NEGR1: variants seen among roughly 807,000 people sequenced by gnomAD.
The protein encoded by NEGR1 is IgLON family member 4.
Under a neutral mutation model 40.9 loss-of-function variants are expected in NEGR1, and 10 were observed. The ratio of observed to expected loss-of-function variants is 0.24; its 90% CI spans 0.15 to 0.42. The LOEUF (loss-of-function observed/expected upper bound fraction) is 0.42. Among genes scored for constraint, NEGR1 ranks in the 10% least tolerant of loss-of-function variants. The pLI, the probability that NEGR1 is intolerant of heterozygous loss-of-function variation, is 1.00. For missense variants in NEGR1, 352 were observed against 438.9 expected (o/e 0.80, Z 1.77); for synonymous variants, 185 against 166.8 (o/e 1.11, Z -0.84).
At chr1:71,787,108 T>A (rs1308032782) in intron 2 of NEGR1, among the ~76,000 whole-genome samples, 1 of 152,292 alleles carries the variant, frequency 6.6e-6, no homozygotes, top group Non-Finnish European at 1.5e-5. Context: ...GCCTCAAATA[T>A]CCTATCTAAA....
chr1:71,547,277 G>A (rs1314930534), intron 6 of NEGR1, among the ~76,000 whole-genome samples: 1 of 151,734 alleles, frequency 6.6e-6, no homozygotes, highest in Non-Finnish European at 1.5e-5. Context: ...TTGTTGTCTG[G>A]TACTGCCCAT....
chr1:71,964,843 C>T (rs1042651592), intron 1 of NEGR1, among the ~76,000 whole-genome samples: 3 of 151,590 alleles, frequency 2.0e-5, no homozygotes, highest in Non-Finnish European at 2.9e-5. Flanking sequence ...AAATCACTCC[C>T]TAAAGTGTGT....
chr1:72,093,460 G>A (rs1431834037), intron 1 of NEGR1, among the ~76,000 whole-genome samples: 1 of 152,032 alleles, frequency 6.6e-6, no homozygotes, highest in Admixed American at 6.6e-5. Context: ...TCATAGTTTT[G>A]GGGAAGAAAT....
chr1:71,432,925 T>C (rs1646479319), intron 6 of NEGR1, among the ~76,000 whole-genome samples: 1 of 152,232 alleles, frequency 6.6e-6, no homozygotes, highest in African/African-American at 2.4e-5. Context: ...TATTAATCTG[T>C]CTTATTGTGA....
At position 72,013,436 on chromosome 1, in the gene NEGR1, C is replaced by A. The variant is rs951124332; in HGVS notation, c.177-78125G>T. ...GGGAGAGATCAGAGAGAACTTGAGG[C>A]TGCTTCTAACTTCAAACATATTAGG... On this transcript the variant is annotated intron_variant, in intron 1 of 6. Coordinates refer to ENST00000357731, the MANE Select transcript of NEGR1 (RefSeq NM_173808.3). Among the ~76,000 whole-genome samples, 7 of 152,224 alleles carry A rather than the reference C, an allele frequency of 4.6e-5. No homozygotes were observed. In the South Asian group the frequency reaches 1.5e-3, roughly 32 times the overall value.
rs1646420270 is a variant in NEGR1, at chr1:71,425,057, A to C, written c.941-17487T>G. On this transcript the variant is annotated intron_variant, in intron 6 of 6. Transcript: ENST00000357731. ...TTAACAATCTGTTTCATATTGGGGC[A>C]TGCCACATAAACTGTGGAAAGGCAG... is the stretch of plus-strand genomic sequence containing the variant. Among the ~76,000 whole-genome samples the C allele has an allele frequency of 2.0e-5, 3 of 152,318 alleles. No individual in the cohort carries two copies. The South Asian group carries it at 6.2e-4, about 32-fold the overall frequency.
At chr1:71,857,626 C>CAAAAA (rs59343025) in intron 2 of NEGR1, among the ~76,000 whole-genome samples, 5 of 53,428 alleles carry the variant, frequency 9.4e-5, no homozygotes, top group East Asian at 6.2e-4. Flanking sequence ...GATCCTGTCT[C>CAAAAA]AAAAAAAAAA....
chr1:71,791,294 T>C (rs1048637150), intron 2 of NEGR1, among the ~76,000 whole-genome samples: 6 of 152,072 alleles, frequency 3.9e-5, no homozygotes, highest in East Asian at 1.9e-4. Flanking sequence ...TCAAAATGTA[T>C]CACTTTCTCA....
At chr1:71,468,099 G>T (rs768495364) in intron 6 of NEGR1, among the ~76,000 whole-genome samples, 64 of 151,882 alleles carry the variant, frequency 4.2e-4, no homozygotes, top group Admixed American at 1.3e-3. Context: ...AACTTAAAAT[G>T]ATCCAACAGT....
chr1:72,168,875 A>G (rs535325987), intron 1 of NEGR1, among the ~76,000 whole-genome samples: 1 of 152,268 alleles, frequency 6.6e-6, no homozygotes, highest in African/African-American at 2.4e-5. Flanking sequence ...ACTCCAGCCT[A>G]GGAGACAGAG....
At chr1:71,733,673 GA>G (rs1465161688) in intron 3 of NEGR1, among the ~76,000 whole-genome samples, 1 of 152,142 alleles carries the variant, frequency 6.6e-6, no homozygotes, top group Non-Finnish European at 1.5e-5. Context: ...TAAGTAGAAT[GA>G]AAATGAGAGA....
At chr1:71,882,729 A>G (rs1357290900) in intron 2 of NEGR1, among the ~76,000 whole-genome samples, 2 of 151,486 alleles carry the variant, frequency 1.3e-5, no homozygotes, top group Non-Finnish European at 3.0e-5. Context: ...GTCTTCAGAA[A>G]AAAAAAAAAA....
chr1:72,150,953 C>T (rs1651103509), intron 1 of NEGR1, among the ~76,000 whole-genome samples: 1 of 151,914 alleles, frequency 6.6e-6, no homozygotes, highest in Non-Finnish European at 1.5e-5. Flanking sequence ...CCAACAACAA[C>T]TCCTTGGACT....
chr1:72,069,895 C>T (rs937849344), intron 1 of NEGR1, among the ~76,000 whole-genome samples: 1 of 152,158 alleles, frequency 6.6e-6, no homozygotes, highest in East Asian at 1.9e-4. Flanking sequence ...AATTCTCTTT[C>T]TTCATGGACA....
chr1:72,200,771 C>T (rs984326831), intron 1 of NEGR1, among the ~76,000 whole-genome samples: 15 of 151,898 alleles, frequency 9.9e-5, no homozygotes, highest in Admixed American at 4.6e-4. Context: ...TAAGGATTTC[C>T]ACTCCAATGT....
At chr1:71,554,538 C>G (rs1235008916) in intron 6 of NEGR1, among the ~76,000 whole-genome samples, 1 of 151,306 alleles carries the variant, frequency 6.6e-6, no homozygotes, top group Non-Finnish European at 1.5e-5. Flanking sequence ...GAGTTTGCAA[C>G]CAGAAAGTCT....
At chr1:71,804,424 C>G (rs147469791) in intron 2 of NEGR1, among the ~76,000 whole-genome samples, 8 of 150,942 alleles carry the variant, frequency 5.3e-5, no homozygotes, top group Middle Eastern at 3.4e-3. Flanking sequence ...TAGACACCAG[C>G]CAGTTTAGGT....
rs1023655234 is a variant in NEGR1 at position 72,251,778 on chromosome 1, T to A, written c.176+30541A>T. On this transcript the variant is annotated intron_variant, in intron 1 of 6. Transcript: ENST00000357731. ...ACCCACAAAGGACTGATTGTACACA[T>A]TATTTTGTTTGATTTCATTATACCT... is the stretch of plus-strand genomic sequence containing the variant. Among the ~76,000 whole-genome samples, 52 of 152,282 alleles carry A rather than the reference T, an allele frequency of 3.4e-4. 1 individual carries two copies. In the East Asian group the frequency reaches 7.5e-3, roughly 22 times the overall value.
chr1:71,434,813 C>G (rs1277582313), intron 6 of NEGR1, among the ~76,000 whole-genome samples: 1 of 152,124 alleles, frequency 6.6e-6, no homozygotes, highest in African/African-American at 2.4e-5. Flanking sequence ...AGGGGGAGGC[C>G]GGGCGCGGTG....
Sources: gnomAD v4.1 joint callset for allele counts (sites outside exome capture counted in the v4.1 genomes callset) on GRCh38, gnomAD v4.1.1 for gene constraint, MANE v1.5 for transcripts, NCBI Gene and HGNC (gene_info 2026-07-23, HGNC 2026-07-21) for gene names.